Variants in SLC4A8 observed in about 807,000 individuals in gnomAD.
SLC4A8 encodes solute carrier family 4 member 8, also known as electroneutral sodium bicarbonate exchanger 1.
Under a neutral mutation model 125.0 loss-of-function variants are expected in SLC4A8, and 40 were observed. The ratio of observed to expected loss-of-function variants is 0.32; its 90% CI spans 0.25 to 0.42. The LOEUF (loss-of-function observed/expected upper bound fraction) is 0.42. Ranked by LOEUF, SLC4A8 falls within the 10% of genes least tolerant of loss-of-function variation. The probability of loss-of-function intolerance (pLI) is 1.00; values close to 1 mark genes in which losing one functional copy is unlikely to be tolerated. For synonymous variants in SLC4A8, 456 were observed against 476.0 expected (o/e 0.96, Z 0.55); for missense variants, 863 against 1,355.1 (o/e 0.64, Z 5.70).
At chr12:51,482,582 G>A (rs1167044492) in intron 16 of SLC4A8, among the ~76,000 whole-genome samples, 1 of 152,120 alleles carries the variant, frequency 6.6e-6, no homozygotes, top group Non-Finnish European at 1.5e-5. Context: ...GTTTCACCGT[G>A]TTGGCCAGGC....
intron 21 of SLC4A8, 114 bp downstream of exon 21, chr12:51,495,232 C>G: frequency 2.3e-6 from 2 of 853,662 alleles, no homozygotes. Context: ...GCATTAAGTA[C>G]ATTCACATTG....
rs1297511710 is a variant in SLC4A8 at position 51,510,854 on chromosome 12, C to T, written c.*3416C>T. Reference sequence around the variant, plus strand: ...TTTGGACGTGGTGATTTCCTGTCATCCTCGTGGTCTGACATTGCTTCTCAC... The same window carrying T: ...TTTGGACGTGGTGATTTCCTGTCATTCTCGTGGTCTGACATTGCTTCTCAC... On this transcript the variant is annotated 3_prime_UTR_variant, in exon 25 of 25. Coordinates refer to ENST00000453097, the MANE Select transcript of SLC4A8 (RefSeq NM_001039960.3). 22 of 152,246 alleles carry T rather than the reference C, an allele frequency of 1.4e-4. No homozygotes were observed. The highest frequency in any genetic ancestry group is 1.4e-3 in the Admixed American group (22 of 15,278). The allele number at this position is 152,246 out of a possible 1,614,324, so 9.4% of individuals were successfully genotyped here.
At chr12:51,470,142 C>T (rs1950649207) in intron 12 of SLC4A8, among the ~76,000 whole-genome samples, 1 of 152,122 alleles carries the variant, frequency 6.6e-6, no homozygotes. Context: ...TTTTCAAATA[C>T]TGAATTGAGT....
chr12:51,464,625 T>C (rs542007690), intron 11 of SLC4A8, among the ~76,000 whole-genome samples: 1 of 152,344 alleles, frequency 6.6e-6, no homozygotes, highest in East Asian at 1.9e-4. Context: ...AGCTGTGCTG[T>C]GTCTAAGAAG....
chr12:51,507,307 T>G, intron 24 of SLC4A8, 119 bp from the exon 25 acceptor site: 1 of 607,726 alleles, frequency 1.6e-6, no homozygotes, highest in Non-Finnish European at 2.6e-6. Context: ...CTAGTCTACT[T>G]GTAAATGAAC....
At chr12:51,467,436 G>A (rs1430689432) in intron 11 of SLC4A8, 14 of 152,214 alleles carry the variant, frequency 9.2e-5, no homozygotes, top group Non-Finnish European at 1.8e-4. Context: ...GAGGAAAAGA[G>A]CAGGTGGGTG....
intron 6 of SLC4A8, among the ~76,000 whole-genome samples, chr12:51,457,858 T>C (rs1950204136): frequency 6.6e-6 from 1 of 152,078 alleles, no homozygotes; most frequent in Non-Finnish European, 1.5e-5. Context: ...CTGGAGCTTT[T>C]TAGGAGCAAA....
intron 5 of SLC4A8, 40 bp from the exon 6 acceptor site, chr12:51,457,311 A>G (rs750928437): frequency 6.3e-7 from 1 of 1,584,180 alleles, no homozygotes; most frequent in South Asian, 1.1e-5. Flanking sequence ...GGGTTCATTA[A>G]CCCTCAATCT....
intron 3 of SLC4A8, among the ~76,000 whole-genome samples, chr12:51,451,274 G>A (rs180939007): frequency 2.6e-4 from 39 of 152,296 alleles, no homozygotes; most frequent in Non-Finnish European, 4.4e-4. Context: ...GGTAGAGACC[G>A]GGTTTCACTG....
chr12:51,468,699 G>T (rs937931644), intron 11 of SLC4A8, among the ~76,000 whole-genome samples: 9 of 152,228 alleles, frequency 5.9e-5, no homozygotes, highest in Non-Finnish European at 1.3e-4. Flanking sequence ...GGCGGAGCTT[G>T]CAGTGACCAG....
At chr12:51,478,617 A>G (rs561406105) in intron 16 of SLC4A8, among the ~76,000 whole-genome samples, 1 of 152,350 alleles carries the variant, frequency 6.6e-6, no homozygotes, top group South Asian at 2.1e-4. Flanking sequence ...ACCAAATTCC[A>G]GAGTCTCTGG....
In SLC4A8 at chr12:51,513,146, T is replaced by C. The variant is rs1938422919; in HGVS notation, c.*5708T>C. On this transcript the variant is annotated 3_prime_UTR_variant, in exon 25 of 25. Transcript: ENST00000453097. ...CTTACTAAGTGGGTGGATTACTTGCTAGCCATAACTTTTAGGGAAGGGTAG... is the reference window on the plus strand; with the variant it reads ...CTTACTAAGTGGGTGGATTACTTGCCAGCCATAACTTTTAGGGAAGGGTAG... 6.6e-6 allele frequency: 1 copy of C among 152,230 alleles called. No homozygotes were observed. The highest frequency in any genetic ancestry group is 6.5e-5 in the Admixed American group (1 of 15,290). 9.4% of individuals were successfully genotyped at this position (152,230 alleles called of 1,614,324 possible). A position where few individuals can be genotyped will look rare whatever the true frequency, so the allele number is the denominator to read the frequency against.
At chr12:51,466,174 A>G (rs1592231935) in intron 11 of SLC4A8, among the ~76,000 whole-genome samples, 1 of 152,172 alleles carries the variant, frequency 6.6e-6, no homozygotes, top group African/African-American at 2.4e-5. Flanking sequence ...GGGTTAAGAC[A>G]GATCTTAAAC....
At chr12:51,445,887 T>C (rs1289032206) in intron 2 of SLC4A8, among the ~76,000 whole-genome samples, 1 of 152,208 alleles carries the variant, frequency 6.6e-6, no homozygotes, top group Non-Finnish European at 1.5e-5. Context: ...CCTGAAGACT[T>C]TGTTCTGTTC....
chr12:51,457,540 G>T lies in SLC4A8; in HGVS notation c.763+1G>T. The T allele has an allele frequency of 6.2e-7, 1 of 1,610,742 alleles. No individual in the cohort carries two copies. Among genetic ancestry groups the T allele is most frequent in the Non-Finnish European group, 8.5e-7 (1 of 1,178,442 alleles). ...GATCCTCATTTGATGGATAAACATGGTAAGATTATTAGGTGATTTTTCTCT... is the reference window on the plus strand; with the variant it reads ...GATCCTCATTTGATGGATAAACATGTTAAGATTATTAGGTGATTTTTCTCT... On this transcript the variant is annotated splice_donor_variant, in intron 6 of 24. Coordinates refer to ENST00000453097, the MANE Select transcript of SLC4A8 (RefSeq NM_001039960.3). LOFTEE classifies it high-confidence loss of function.
chr12:51,399,976 G>A (rs1197978414), intron 1 of SLC4A8, among the ~76,000 whole-genome samples: 1 of 139,896 alleles, frequency 7.1e-6, no homozygotes, highest in African/African-American at 2.6e-5. Flanking sequence ...GCAACACTTC[G>A]TCTCAAAAAA....
At chr12:51,395,876 TGA>T (rs1237943029) in intron 1 of SLC4A8, among the ~76,000 whole-genome samples, 1 of 152,204 alleles carries the variant, frequency 6.6e-6, no homozygotes, top group African/African-American at 2.4e-5. Flanking sequence ...CATGAAAGTG[TGA>T]GAGTTGGGTC....
intron 16 of SLC4A8, among the ~76,000 whole-genome samples, chr12:51,482,055 TGAAA>T (rs901908526): frequency 3.3e-5 from 5 of 152,344 alleles, no homozygotes; most frequent in Admixed American, 3.3e-4. Context: ...TAAATCACTC[TGAAA>T]GAGTTTGCAT....
Position 51,457,516 on chromosome 12 carries a change from A to T in SLC4A8, c.740A>T (p.Asp247Val). The T allele has an allele frequency of 6.2e-7, 1 of 1,613,818 alleles. No individual in the cohort carries two copies. Among genetic ancestry groups the T allele is most frequent in the South Asian group, 1.1e-5 (1 of 91,014 alleles). ...SFAEVGKKQS[D>V]PHLMDKHGQT... ...GCTGAGGTTGGCAAGAAGCAGTCTG[A>T]TCCTCATTTGATGGATAAACATGGT... Residue 247 changes from aspartate to valine, a missense_variant, in exon 6 of 25, where the codon GAT becomes GTT. Asp to Val is a radical substitution (Grantham distance 152, BLOSUM62 -3). Coordinates refer to ENST00000453097, the MANE Select transcript of SLC4A8 (RefSeq NM_001039960.3).
Sources: allele counts gnomAD v4.1 joint callset (sites outside exome capture counted in the v4.1 genomes callset), GRCh38; gene constraint gnomAD v4.1.1; transcripts MANE v1.5; gene names NCBI Gene and HGNC (gene_info 2026-07-23, HGNC 2026-07-21).